Variants in ZP1 observed in about 807,000 individuals in gnomAD.
ZP1 encodes zona pellucida sperm-binding protein 1.
ZP1 carries 58 observed loss-of-function variants against 67.4 expected under a neutral mutation model. The observed-to-expected ratio is 0.86, with a 90% CI of 0.70 to 1.07. The LOEUF is 1.07. ZP1 is among the 50% of genes least tolerant of loss of function. ZP1 has a pLI of 0.00. For synonymous variants in ZP1, 333 were observed against 332.7 expected (o/e 1.00, Z -0.01); for missense variants, 759 against 807.3 (o/e 0.94, Z 0.72).
At position 60,871,286 on chromosome 11, in the gene ZP1, G is replaced by A. The variant is rs1202168731; in HGVS notation, c.1084G>A (p.Gly362Ser). Residue 362 changes from glycine to serine, a missense_variant, in exon 6 of 12, where the codon GGT becomes AGT. Gly to Ser is a moderately conservative substitution (Grantham distance 56). Transcript: ENST00000278853. ...SGIHIQKGPQ[G>S]SITRDSTFQL... ...CATCCACATCCAAAAGGGGCCACAG[G>A]GTTCCATCACGCGGGACAGCACCTT... 6.8e-6 allele frequency: 11 copies of A among 1,613,842 alleles called. No individual in the cohort carries two copies. Among genetic ancestry groups the A allele is most frequent in the Non-Finnish European group, 9.3e-6 (11 of 1,180,060 alleles).
At position 60,869,724 on chromosome 11, in the gene ZP1, GC is replaced by G. The variant is rs770787606; in HGVS notation, c.508del (p.His170IlefsTer52). On this transcript the variant is annotated frameshift_variant, in exon 3 of 12. Coordinates refer to ENST00000278853, the MANE Select transcript of ZP1 (RefSeq NM_207341.4). LOFTEE classifies it high-confidence loss of function. Reference protein sequence around the residue: ...PQTLSFLPTSGHTSQGSGHAF... With the variant: ...PQTLSFLPTSXHTSQGSGHAF... ...ACCCTTTCCTTCCTCCCCACCTCTG[GC>G]CATACCTCCCAAGGCTCTGGCCATG... is the stretch of plus-strand genomic sequence containing the variant. 6.2e-7 allele frequency: 1 copy of G among 1,613,538 alleles called. No homozygotes were observed. Among genetic ancestry groups the G allele is most frequent in the East Asian group, 2.2e-5 (1 of 44,868 alleles).
chr11:60,872,977 G>T, intron 6 of ZP1, 185 bp from the exon 7 acceptor site: 2 of 622,774 alleles, frequency 3.2e-6, no homozygotes, highest in Non-Finnish European at 5.3e-6. Flanking sequence ...GTGGGCAGAG[G>T]AATGGGCAGG....
At chr11:60,874,210 C>T (rs1204465223) in intron 9 of ZP1, among the ~76,000 whole-genome samples, 2 of 152,184 alleles carry the variant, frequency 1.3e-5, no homozygotes, top group Non-Finnish European at 2.9e-5. Context: ...CATTGAACAA[C>T]GTATCTTTCA....
Position 60,869,706 on chromosome 11 carries a change from C to A in ZP1, c.488C>A (p.Ser163Tyr), listed in dbSNP as rs778496931. 6.2e-7 allele frequency: 1 copy of A among 1,613,968 alleles called. No individual in the cohort carries two copies. Among genetic ancestry groups the A allele is most frequent in the East Asian group, 2.2e-5 (1 of 44,900 alleles). Residue 163 changes from serine (S) to tyrosine (Y), a missense_variant, in exon 3 of 12, where the codon TCC (serine) becomes TAC (tyrosine). By Grantham distance (144) the Ser-to-Tyr change is moderately radical (BLOSUM62 -2). Coordinates refer to ENST00000278853, the MANE Select transcript of ZP1 (RefSeq NM_207341.4). ...TCTGTCTCAACCCCACAAACCCTTT[C>A]CTTCCTCCCCACCTCTGGCCATACC... ...MFSVSTPQTL[S>Y]FLPTSGHTSQ...
At chr11:60,870,517 C>G in intron 4 of ZP1, 42 bp downstream of exon 4, 1 of 1,554,498 alleles carries the variant, frequency 6.4e-7, no homozygotes, top group Non-Finnish European at 8.7e-7. Flanking sequence ...CCCTTGGATT[C>G]TGAAGCGGAA....
chr11:60,873,855 G>A (rs1855644237), intron 9 of ZP1, 80 bp downstream of exon 9: 2 of 1,576,776 alleles, frequency 1.3e-6, no homozygotes, highest in Admixed American at 3.4e-5. Flanking sequence ...CTGGCACCCT[G>A]TGAACTTATA....
intron 3 of ZP1, 25 bp downstream of exon 3, chr11:60,869,925 T>C (rs746043767): frequency 5.9e-6 from 9 of 1,522,006 alleles, no homozygotes; most frequent in African/African-American, 2.8e-5. Flanking sequence ...TGAGTGTACT[T>C]ACCCTCTGTC....
At chr11:60,869,007 A>C (rs1855517326) in intron 1 of ZP1, 138 bp from the exon 2 acceptor site, 1 of 999,032 alleles carries the variant, frequency 1.0e-6, no homozygotes, top group Non-Finnish European at 1.5e-6. Context: ...CTTGCCCAAG[A>C]CCACACAACA....
intron 7 of ZP1, 24 bp from the exon 8 acceptor site, chr11:60,873,351 G>T: frequency 1.3e-6 from 2 of 1,594,128 alleles, no homozygotes; most frequent in South Asian, 2.2e-5. Flanking sequence ...GCCCGCCCTG[G>T]CTCATGAGTC....
chr11:60,875,363 C>A, intron 11 of ZP1, 115 bp downstream of exon 11: 1 of 1,511,922 alleles, frequency 6.6e-7, no homozygotes, highest in Non-Finnish European at 8.9e-7. Flanking sequence ...GGTGTCACTG[C>A]AGTCAGTGGG....
Position 60,874,919 on chromosome 11 carries a change from TCTC to T in ZP1, c.1573-11_1573-9del, listed in dbSNP as rs1855671381. On this transcript the variant is annotated splice_polypyrimidine_tract_variant and intron_variant, in intron 9 of 11. Transcript: ENST00000278853. The stretch of plus-strand genomic sequence containing the variant: ...ACTGAGCCAGCCACTTTGATGTTCT[TCTC>T]CTTCCACCAGGTTTACTTGTTCTGC... The T allele has an allele frequency of 6.2e-7, 1 of 1,614,068 alleles. No homozygotes were observed. Among genetic ancestry groups the T allele is most frequent in the East Asian group, 2.2e-5 (1 of 44,888 alleles).
chr11:60,868,397 A>G (rs1245842859), intron 1 of ZP1, among the ~76,000 whole-genome samples: 5 of 152,248 alleles, frequency 3.3e-5, no homozygotes, highest in Admixed American at 3.3e-4. Context: ...CTGAGGGTCC[A>G]TAAACCACTT....
Position 60,873,469 on chromosome 11 carries a change from G to A in ZP1, c.1335G>A (p.Arg445=). Residue 445 remains arginine (R), a synonymous_variant, in exon 8 of 12, where the codon AGG becomes AGA. Transcript: ENST00000278853. ...PVHVEVRLLQ[R]TDPNLVLLLH... ...ATGTGGAGGTCCGGCTTCTGCAGAGGACAGACCCCAACCTGGTCCTGCTGC... is the reference window on the plus strand; with the variant it reads ...ATGTGGAGGTCCGGCTTCTGCAGAGAACAGACCCCAACCTGGTCCTGCTGC... The A allele has an allele frequency of 6.2e-7, 1 of 1,613,502 alleles. No homozygotes were observed. Among genetic ancestry groups the A allele is most frequent in the Non-Finnish European group, 8.5e-7 (1 of 1,179,678 alleles).
rs199611508 is a variant in ZP1, at chr11:60,873,278, G to A, written c.1229G>A (p.Arg410Gln). 8.8e-5 allele frequency: 139 copies of A among 1,583,476 alleles called. No individual in the cohort carries two copies. Among genetic ancestry groups the A allele is most frequent in the Non-Finnish European group, 1.1e-4 (127 of 1,161,888 alleles). Residue 410 changes from arginine to glutamine, a missense_variant, in exon 7 of 12, where the codon CGG (arginine) becomes CAG (glutamine). Physicochemically the swap from Arg to Gln is conservative, Grantham distance 43. Transcript: ENST00000278853. ...TQPGPLRLEL[R>Q]IAKDETFSSY... ...CCCGGCCCCCTGCGGCTTGAGCTGC[G>A]GATTGCCAAAGGTATGCTATGCTAT...
In ZP1 at chr11:60,871,391, C is replaced by T. The variant is rs114192813; in HGVS notation, c.1112+77C>T. 1.2e-4 allele frequency: 177 copies of T among 1,492,138 alleles called. 1 individual carries two copies. In the African/African-American group the frequency reaches 1.8e-3, roughly 15 times the overall value. The allele number at this position is 1,492,138 out of a possible 1,614,324, so 92.4% of individuals were successfully genotyped here. A position where few individuals can be genotyped will look rare whatever the true frequency, so the allele number is the denominator to read the frequency against. On this transcript the variant is annotated intron_variant, in intron 6 of 11. Transcript: ENST00000278853. ...GCACAGGCGAGCTCAGTACAGGCTT[C>T]GGAGCCATCTCAGCTCAAACCCAGG...
At chr11:60,874,433 C>T (rs532572407) in intron 9 of ZP1, among the ~76,000 whole-genome samples, 2 of 152,308 alleles carry the variant, frequency 1.3e-5, no homozygotes, top group Non-Finnish European at 2.9e-5. Context: ...TATCTGGAAG[C>T]GGTGGTAATC....
chr11:60,873,226 C>G lies in ZP1; in HGVS notation c.1177C>G (p.Pro393Ala). The G allele has an allele frequency of 6.2e-7, 1 of 1,607,094 alleles. No homozygotes were observed. The highest frequency in any genetic ancestry group is 8.5e-7 in the Non-Finnish European group (1 of 1,176,332). The change falls in exon 7 of 12, where the codon CCC (proline) becomes GCC (alanine). Residue 393 changes from proline (P) to alanine (A), a missense_variant. Transcript: ENST00000278853. The part of the protein sequence containing the change: ...FLPIQASIFP[P>A]PSPAPMTQPG... ...GCCCATTCAGGCATCCATTTTCCCA[C>G]CCCCATCGCCTGCTCCTATGACCCA...
chr11:60,867,626 T>A lies in ZP1; in HGVS notation c.65T>A (p.Leu22Gln). 6.2e-7 allele frequency: 1 copy of A among 1,613,764 alleles called. No homozygotes were observed. The highest frequency in any genetic ancestry group is 8.5e-7 in the Non-Finnish European group (1 of 1,179,808). ...PVALLLLVAT[L>Q]GLGRWLQPDP... ...GCCCTGCTACTGCTGGTTGCCACCC[T>A]GGGGCTGGGTAGGTGGCTCCAGCCC... The change falls in exon 1 of 12, where the codon CTG (leucine) becomes CAG (glutamine). Residue 22 changes from leucine (L) to glutamine (Q), a missense_variant. Physicochemically the swap from Leu to Gln is moderately radical, Grantham distance 113. Coordinates refer to ENST00000278853, the MANE Select transcript of ZP1 (RefSeq NM_207341.4).
chr11:60,873,408 A>G lies in ZP1; in HGVS notation c.1274A>G (p.Asp425Gly). The G allele has an allele frequency of 6.2e-7, 1 of 1,610,838 alleles. No homozygotes were observed. The highest frequency in any genetic ancestry group is 8.5e-7 in the Non-Finnish European group (1 of 1,177,374). ...TTCAGCTCGTACTATGGGGAGGATG[A>G]CTATCCCATCGTGAGGCTGCTCCGA... ...ETFSSYYGED[D>G]YPIVRLLREP... Residue 425 changes from aspartate (D) to glycine (G), a missense_variant, in exon 8 of 12, where the codon GAC (aspartate) becomes GGC (glycine). Transcript: ENST00000278853.
Sources: allele counts gnomAD v4.1 joint callset (sites outside exome capture counted in the v4.1 genomes callset), GRCh38; gene constraint gnomAD v4.1.1; transcripts MANE v1.5; gene names NCBI Gene and HGNC (gene_info 2026-07-23, HGNC 2026-07-21).